Variants in SNX31 observed in about 807,000 individuals in gnomAD.
The protein encoded by SNX31 is sorting nexin 31.
A neutral mutation model predicts 65.4 loss-of-function variants in SNX31; 58 were observed. The observed-to-expected ratio is 0.89, with a 90% CI of 0.72 to 1.10. SNX31 has a LOEUF of 1.10. SNX31 is among the 50% of genes least tolerant of loss of function. The pLI, the probability that SNX31 is intolerant of heterozygous loss-of-function variation, is 0.00. For synonymous variants in SNX31, 181 were observed against 190.1 expected, an observed-to-expected ratio of 0.95 and a Z score of 0.39; for missense variants, 523 against 529.7, an observed-to-expected ratio of 0.99 and a Z score of 0.12.
chr8:100,613,216 A>G lies in SNX31; in HGVS notation c.433-131T>C. ...GCTGTCATGGGTTAGTGAACACTCA[A>G]AGAAAGCTTTTTGGAATCAAAAAAT... On this transcript the variant is annotated intron_variant, in intron 5 of 13. Transcript: ENST00000311812. The surrounding 1 kb of genome is among the most constrained non-coding windows in gnomAD (Gnocchi z 5.2). 4.5e-6 allele frequency: 3 copies of G among 660,768 alleles called. No homozygotes were observed. The highest frequency in any genetic ancestry group is 2.9e-5 in the Admixed American group (1 of 34,382). The allele number at this position is 660,768 out of a possible 1,614,324, so 40.9% of individuals were successfully genotyped here. A position where few individuals can be genotyped will look rare whatever the true frequency, so the allele number is the denominator to read the frequency against.
chr8:100,600,358 ACTGTCTTCTT>A lies in SNX31; in HGVS notation c.755_764del (p.Lys252IlefsTer61). On this transcript the variant is annotated frameshift_variant, in exon 9 of 14. Transcript: ENST00000311812. LOFTEE classifies it high-confidence loss of function. ...GCAATATTTGATTCACCTTTGTTTG[ACTGTCTTCTT>A]TCTGGAAAGCTTCTAATTTCTGCCT... is the stretch of plus-strand genomic sequence containing the variant. 1 of 1,613,234 alleles carries A rather than the reference ACTGTCTTCTT, an allele frequency of 6.2e-7. No homozygotes were observed. The highest frequency in any genetic ancestry group is 8.5e-7 in the Non-Finnish European group (1 of 1,179,532).
chr8:100,657,852 C>T, intron 1 of SNX31: 1 of 433,534 alleles, frequency 2.3e-6, no homozygotes, highest in Non-Finnish European at 4.6e-6. Flanking sequence ...GCCTGGGTGA[C>T]AAAGGTAGAC....
At chr8:100,653,100 C>G (rs116844110), upstream of SNX31, among the ~76,000 whole-genome samples, 352 of 152,314 alleles carry the variant, frequency 2.3e-3, 7 homozygotes, top group East Asian at 0.063. Flanking sequence ...CTGTGTCCTC[C>G]TCACTCTCTT....
chr8:100,590,935 G>A (rs766740593), intron 10 of SNX31, among the ~76,000 whole-genome samples: 12 of 152,136 alleles, frequency 7.9e-5, no homozygotes, highest in Admixed American at 1.3e-4. Context: ...CACCTGAAGA[G>A]GTTTCCAGGA....
intron 10 of SNX31, among the ~76,000 whole-genome samples, chr8:100,593,087 T>C (rs1814735118): frequency 6.6e-6 from 1 of 152,174 alleles, no homozygotes; most frequent in Non-Finnish European, 1.5e-5. Context: ...TGATAAAGTG[T>C]TCTAAAATTG....
intron 10 of SNX31, among the ~76,000 whole-genome samples, chr8:100,590,171 A>G (rs1229851095): frequency 2.0e-5 from 3 of 152,274 alleles, no homozygotes; most frequent in Non-Finnish European, 4.4e-5. Flanking sequence ...TAACTCTTAC[A>G]GGTTTTATAA....
rs534178167 is a variant in SNX31, at chr8:100,612,694, C to T, written c.523+301G>A. Among the ~76,000 whole-genome samples the T allele has an allele frequency of 1.4e-4, 21 of 152,188 alleles. No individual in the cohort carries two copies. Among genetic ancestry groups the T allele is most frequent in the Admixed American group, 1.1e-3 (17 of 15,288 alleles). On this transcript the variant is annotated intron_variant, in intron 6 of 13. Coordinates refer to ENST00000311812, the MANE Select transcript of SNX31 (RefSeq NM_152628.4). This position sits in a 1 kb window ranked among gnomAD's most constrained non-coding sequence, Gnocchi z 4.3. ...AGTCTAGCACTCCATTCACAGGAAA[C>T]GGTGCAGGCGAGTGGTCAGTGGTCA...
chr8:100,615,327 C>T (rs1056971760), intron 5 of SNX31, among the ~76,000 whole-genome samples: 2 of 152,156 alleles, frequency 1.3e-5, no homozygotes, highest in African/African-American at 2.4e-5. Context: ...CTACTCAGTA[C>T]GTATTCAGCA....
In SNX31 at chr8:100,577,034, G is replaced by A. The variant is rs779168555; in HGVS notation, c.1212C>T (p.His404=). 22 of 1,613,234 alleles carry A rather than the reference G, an allele frequency of 1.4e-5. No homozygotes were observed. Among genetic ancestry groups the A allele is most frequent in the South Asian group, 1.3e-4 (12 of 90,986 alleles). ...VPEQSKSKKY[H]IQQSQQKDYS... ...ACTCACAGACCTGGCTTTGTTGAAT[G>A]TGGTATTTTTTACTTTTGCTTTGTT... The change falls in exon 13 of 14, where the codon CAC becomes CAT. Residue 404 remains histidine (H), a synonymous_variant. Transcript: ENST00000311812.
chr8:100,587,485 T>C (rs967614852), intron 11 of SNX31, among the ~76,000 whole-genome samples: 6 of 152,204 alleles, frequency 3.9e-5, no homozygotes, highest in African/African-American at 1.2e-4. Flanking sequence ...ATTGTGCTGA[T>C]TAGCTACCCT....
At chr8:100,636,048 C>A (rs758487241) in intron 2 of SNX31, 37 bp from the exon 3 acceptor site, 1 of 1,505,440 alleles carries the variant, frequency 6.6e-7, no homozygotes, top group East Asian at 2.3e-5. Context: ...GGCAGGTGAG[C>A]CGCCAGTTCA....
chr8:100,645,145 C>T lies in SNX31; in HGVS notation c.141+4129G>A, dbSNP rs558011958. 3.9e-5 allele frequency among the ~76,000 whole-genome samples: 6 copies of T among 152,320 alleles called. No homozygotes were observed. In the East Asian group the frequency reaches 5.8e-4, roughly 15 times the overall value. On this transcript the variant is annotated intron_variant, in intron 2 of 13. Coordinates refer to ENST00000311812, the MANE Select transcript of SNX31 (RefSeq NM_152628.4). ...GTAATAGTCCTAATTTAACAGAATG[C>T]GTGGCATATAACAGAAACTTAGTAA...
In SNX31 at chr8:100,630,350, C is replaced by G; in HGVS notation, c.298G>C (p.Glu100Gln). The change falls in exon 4 of 14, where the codon GAG becomes CAG. Residue 100 changes from glutamate to glutamine, a missense_variant. By Grantham distance (29) the Glu-to-Gln change is conservative (BLOSUM62 2). Coordinates refer to ENST00000311812, the MANE Select transcript of SNX31 (RefSeq NM_152628.4). This position sits in a 1 kb window ranked among gnomAD's most constrained non-coding sequence, Gnocchi z 5.3. ...ACCAGCTGCGCCAGTTTTAAAAACT[C>G]AACGAAGACATCACTTCTCAACACG... Reference protein sequence around the residue: ...PNVLRSDVFVEFLKLAQLNTF... With the variant: ...PNVLRSDVFVQFLKLAQLNTF... 6.2e-7 allele frequency: 1 copy of G among 1,613,384 alleles called. No homozygotes were observed. The highest frequency in any genetic ancestry group is 8.5e-7 in the Non-Finnish European group (1 of 1,179,848).
chr8:100,641,579 T>A (rs1469627009), intron 2 of SNX31, among the ~76,000 whole-genome samples: 1,571 of 36,784 alleles, frequency 0.043, 55 homozygotes, highest in East Asian at 0.052. Flanking sequence ...TATATATATA[T>A]ATATATATAT....
upstream of SNX31, among the ~76,000 whole-genome samples, chr8:100,654,653 C>A (rs1442291761): frequency 6.6e-6 from 1 of 152,250 alleles, no homozygotes; most frequent in Non-Finnish European, 1.5e-5. Flanking sequence ...GAGAAGCACA[C>A]GTCCCTTTCA....
intron 12 of SNX31, 115 bp from the exon 13 acceptor site, chr8:100,577,190 CTGCCGGTCAGCAGGT>C: frequency 1.1e-6 from 1 of 870,732 alleles, no homozygotes; most frequent in South Asian, 1.7e-5. Flanking sequence ...GTCCCAAAGG[CTGCCGGTCAGCAGGT>C]ACACCTGCTT....
At chr8:100,649,696 C>T, upstream of SNX31, 3 of 516,242 alleles carry the variant, frequency 5.8e-6, no homozygotes, top group South Asian at 3.3e-5. Context: ...GCCGCGCCGC[C>T]TCCCAGTCCC....
chr8:100,634,438 C>A (rs1398075348), intron 3 of SNX31, among the ~76,000 whole-genome samples: 1 of 152,026 alleles, frequency 6.6e-6, no homozygotes, highest in Non-Finnish European at 1.5e-5. Context: ...AAATACAGCA[C>A]CCAAGTGTGA....
intron 9 of SNX31, 64 bp downstream of exon 9, chr8:100,600,285 C>A: frequency 7.2e-7 from 1 of 1,391,376 alleles, no homozygotes; most frequent in South Asian, 1.2e-5. Context: ...AGAAACAGTT[C>A]AATTCTAATA....
Sources: gnomAD v4.1 joint callset for allele counts (sites outside exome capture counted in the v4.1 genomes callset) on GRCh38, gnomAD v4.1.1 for gene constraint, Gnocchi (gnomAD v3.1) non-coding constraint, MANE v1.5 for transcripts, NCBI Gene and HGNC (gene_info 2026-07-23, HGNC 2026-07-21) for gene names.